TK2: variants seen among roughly 807,000 people sequenced by gnomAD.
TK2 encodes thymidine kinase 2, mitochondrial.
A neutral mutation model predicts 41.9 loss-of-function variants in TK2; 35 were observed. The ratio of observed to expected loss-of-function variants is 0.84; its 90% confidence interval spans 0.64 to 1.11. The LOEUF (loss-of-function observed/expected upper bound fraction) is 1.11, where lower values mean the gene tolerates loss of function less well. Among genes scored for constraint, TK2 ranks in the 50% least tolerant of loss-of-function variants. The pLI, the probability that TK2 is intolerant of heterozygous loss-of-function variation, is 0.00. For synonymous variants in TK2, 128 were observed against 129.1 expected, an observed-to-expected ratio of 0.99 and a Z score of 0.06; for missense variants, 320 against 351.1, an observed-to-expected ratio of 0.91 and a Z score of 0.71.
At chr16:66,532,372 G>A (rs1965142353) in intron 4 of TK2, among the ~76,000 whole-genome samples, 1 of 152,170 alleles carries the variant, frequency 6.6e-6, no homozygotes, top group South Asian at 2.1e-4. Flanking sequence ...GGGAGGTTGA[G>A]GCAGGCAGAT....
chr16:66,517,859 C>G lies in TK2; in HGVS notation c.468G>C (p.Val156=), dbSNP rs1326496666. 6.2e-7 allele frequency: 1 copy of G among 1,614,138 alleles called. No individual in the cohort carries two copies. Among genetic ancestry groups the G allele is most frequent in the South Asian group, 1.1e-5 (1 of 91,086 alleles). ...NLYRSGKMPE[V]DYVVLSEWFD... is the part of the protein sequence containing the mutation. Reference sequence around the variant, plus strand: ...ACCATTCCGACAGAACTACATAGTCCACTTCTGGCATCTTCCCACTGCAAT... The same window carrying G: ...ACCATTCCGACAGAACTACATAGTCGACTTCTGGCATCTTCCCACTGCAAT... The change falls in exon 7 of 10, where the codon GTG becomes GTC. Residue 156 remains valine, a synonymous_variant. Transcript: ENST00000544898. The surrounding 1 kb of genome is among the most constrained non-coding windows in gnomAD (Gnocchi z 4.3).
intron 5 of TK2, among the ~76,000 whole-genome samples, 184 bp from the exon 6 acceptor site, chr16:66,529,251 C>T (rs1256177159): frequency 2.0e-5 from 3 of 152,232 alleles, no homozygotes; most frequent in Non-Finnish European, 4.4e-5. Context: ...ACATCTGCCA[C>T]CAGGCTCAGG....
chr16:66,536,496 G>A (rs976759230), intron 4 of TK2, among the ~76,000 whole-genome samples: 2 of 152,156 alleles, frequency 1.3e-5, no homozygotes, highest in African/African-American at 4.8e-5. Flanking sequence ...CCTTGGGAAA[G>A]CAGGCTGGTG....
intron 3 of TK2, among the ~76,000 whole-genome samples, chr16:66,538,623 C>G (rs1304062721): frequency 2.0e-5 from 3 of 152,208 alleles, no homozygotes; most frequent in Non-Finnish European, 2.9e-5. Flanking sequence ...AACCTTAAGC[C>G]TACCAGGGGA....
At chr16:66,524,819 T>C (rs1175695245) in intron 6 of TK2, 1 of 152,274 alleles carries the variant, frequency 6.6e-6, no homozygotes, top group Non-Finnish European at 1.5e-5. Flanking sequence ...GGGTAAAGCC[T>C]GTCTGGAAAG....
intron 5 of TK2, among the ~76,000 whole-genome samples, chr16:66,530,097 C>T (rs985588628): frequency 6.6e-6 from 1 of 152,180 alleles, no homozygotes; most frequent in Non-Finnish European, 1.5e-5. Context: ...TCAGATCTTT[C>T]GATTTGTGGA....
intron 5 of TK2, among the ~76,000 whole-genome samples, chr16:66,530,720 C>CTT (rs929487208): frequency 3.5e-5 from 5 of 142,418 alleles, no homozygotes; most frequent in Non-Finnish European, 4.6e-5. Flanking sequence ...GCATTTCTTT[C>CTT]TTTTTTTTTT....
At chr16:66,531,178 G>A (rs1356577863) in intron 5 of TK2, among the ~76,000 whole-genome samples, 1 of 152,220 alleles carries the variant, frequency 6.6e-6, no homozygotes, top group Non-Finnish European at 1.5e-5. Flanking sequence ...CCACCTGGCT[G>A]GCTGAGGTTT....
intron 2 of TK2, chr16:66,548,182 CA>C (rs1965666898): frequency 2.6e-6 from 1 of 384,440 alleles, no homozygotes; most frequent in Non-Finnish European, 5.3e-6. Flanking sequence ...CAAACTTCCA[CA>C]AATCTCAAGC....
Position 66,517,838 on chromosome 16 carries a change from T to C in TK2, c.489A>G (p.Glu163=). 1 of 1,614,116 alleles carries C rather than the reference T, an allele frequency of 6.2e-7. No homozygotes were observed. Among genetic ancestry groups the C allele is most frequent in the Non-Finnish European group, 8.5e-7 (1 of 1,179,996 alleles). Residue 163 remains glutamate, a synonymous_variant, in exon 7 of 10, where the codon GAA becomes GAG. Coordinates refer to ENST00000544898, the MANE Select transcript of TK2 (RefSeq NM_004614.5). The surrounding 1 kb of genome is among the most constrained non-coding windows in gnomAD (Gnocchi z 4.3). ...MPEVDYVVLS[E]WFDWILRNMD... ...TGTTCCTCAAGATCCAGTCAAACCA[T>C]TCCGACAGAACTACATAGTCCACTT... is the stretch of plus-strand genomic sequence containing the variant.
chr16:66,546,889 C>T (rs930641662), intron 2 of TK2, among the ~76,000 whole-genome samples: 14 of 151,920 alleles, frequency 9.2e-5, no homozygotes, highest in Admixed American at 3.9e-4. Context: ...GTAGCTAGGA[C>T]TACTGGTGCA....
chr16:66,528,550 G>T (rs748333922), intron 6 of TK2, among the ~76,000 whole-genome samples: 1 of 152,196 alleles, frequency 6.6e-6, no homozygotes, highest in South Asian at 2.1e-4. Context: ...TTGGCCAATG[G>T]AATGCTAGCA....
rs1964422162 is a variant in TK2 at position 66,510,560 on chromosome 16, T to C, written c.*1408A>G. On this transcript the variant is annotated 3_prime_UTR_variant, in exon 10 of 10. Coordinates refer to ENST00000544898, the MANE Select transcript of TK2 (RefSeq NM_004614.5). ...TTGGCACCTCTGCAGAGTCGGAGCA[T>C]TGCATGCACAGGTGCCCACACTCAC... 6.6e-6 allele frequency: 1 copy of C among 152,172 alleles called. No individual in the cohort carries two copies. Among genetic ancestry groups the C allele is most frequent in the Non-Finnish European group, 1.5e-5 (1 of 68,062 alleles). 9.4% of individuals were successfully genotyped at this position (152,172 alleles called of 1,614,324 possible). A position where few individuals can be genotyped will look rare whatever the true frequency, so the allele number is the denominator to read the frequency against.
At chr16:66,540,933 A>G (rs1965437887) in intron 3 of TK2, among the ~76,000 whole-genome samples, 1 of 152,264 alleles carries the variant, frequency 6.6e-6, no homozygotes, top group African/African-American at 2.4e-5. Flanking sequence ...AAGATATGCT[A>G]TAAGTTACAC....
chr16:66,528,292 C>T (rs1318107649), intron 6 of TK2, among the ~76,000 whole-genome samples: 1 of 152,196 alleles, frequency 6.6e-6, no homozygotes, highest in African/African-American at 2.4e-5. Flanking sequence ...TCTCTGAGCA[C>T]AGGGATGGAG....
chr16:66,548,501 C>T (rs557778060), intron 2 of TK2, among the ~76,000 whole-genome samples: 1 of 152,326 alleles, frequency 6.6e-6, no homozygotes, highest in South Asian at 2.1e-4. Flanking sequence ...AGCCCCAGCC[C>T]AGAGCCAGCA....
intron 8 of TK2, 89 bp from the exon 9 acceptor site, chr16:66,513,900 A>G (rs768464950): frequency 1.1e-5 from 13 of 1,135,438 alleles, no homozygotes; most frequent in Non-Finnish European, 1.5e-5. Context: ...CAAAGTAGTC[A>G]ATGACCATGG....
chr16:66,529,140 G>A, intron 5 of TK2, 73 bp from the exon 6 acceptor site: 1 of 1,400,186 alleles, frequency 7.1e-7, no homozygotes, highest in Non-Finnish European at 1.0e-6. Flanking sequence ...AGAAATGTCT[G>A]TTACTCCCCC....
intron 8 of TK2, 142 bp from the exon 9 acceptor site, chr16:66,513,953 T>A: frequency 1.3e-6 from 1 of 750,880 alleles, no homozygotes. Flanking sequence ...CAAACCTGGC[T>A]CAAGTGGACA....
Sources: allele counts gnomAD v4.1 joint callset (sites outside exome capture counted in the v4.1 genomes callset), GRCh38; gene constraint gnomAD v4.1.1; non-coding constraint Gnocchi (gnomAD v3.1); transcripts MANE v1.5; gene names NCBI Gene and HGNC (gene_info 2026-07-23, HGNC 2026-07-21).